Variants in MYBPH observed in about 807,000 individuals in gnomAD.
MYBPH encodes myosin-binding protein H.
Under a neutral mutation model 53.6 loss-of-function variants are expected in MYBPH, and 49 were observed. That is an observed-to-expected ratio of 0.91 (90% CI 0.73 to 1.16). The LOEUF is 1.16. Among genes scored for constraint, MYBPH ranks in the 50% most tolerant of loss-of-function variants. MYBPH has a pLI of 0.00. For missense variants in MYBPH, 558 were observed against 624.1 expected (o/e 0.89, Z 1.13); for synonymous variants, 239 against 249.6 (o/e 0.96, Z 0.40).
At position 203,174,540 on chromosome 1, in the gene MYBPH, C is replaced by T. The variant is rs149031794; in HGVS notation, c.398G>A (p.Arg133Gln). 1.0e-4 allele frequency: 169 copies of T among 1,612,728 alleles called. No individual in the cohort carries two copies. In the African/African-American group the frequency reaches 1.1e-3, roughly 11 times the overall value. The part of the protein sequence containing the change: ...RPMMVTQQTV[R>Q]NLALGDKFLL... Reference sequence around the variant, plus strand: ...GAACTTGTCTCCCAGAGCCAGGTTCCGCACAGTCTGCTGGGTCACCATCAT... The same window carrying T: ...GAACTTGTCTCCCAGAGCCAGGTTCTGCACAGTCTGCTGGGTCACCATCAT... The change falls in exon 3 of 11, where the codon CGG becomes CAG. Residue 133 changes from arginine to glutamine, a missense_variant. Arg to Gln is a conservative substitution (Grantham distance 43). Coordinates refer to ENST00000255416, the MANE Select transcript of MYBPH (RefSeq NM_004997.3).
Position 203,172,008 on chromosome 1 carries a change from G to T in MYBPH, c.541C>A (p.Arg181Ser), listed in dbSNP as rs371195427. The T allele has an allele frequency of 6.8e-6, 9 of 1,323,448 alleles. No individual in the cohort carries two copies. In the African/African-American group the frequency reaches 1.4e-4, roughly 20 times the overall value. 82.0% of individuals were successfully genotyped at this position (1,323,448 alleles called of 1,614,324 possible). A position where few individuals can be genotyped will look rare whatever the true frequency, so the allele number is the denominator to read the frequency against. ...CCCACCTGGCGGATGTAGGTCTGACGGAGGTGGCGGGGGACACGGATCTTG... is the reference window on the plus strand; with the variant it reads ...CCCACCTGGCGGATGTAGGTCTGACTGAGGTGGCGGGGGACACGGATCTTG... Reference protein sequence around the residue: ...APKIRVPRHLRQTYIRQVGET... With the variant: ...APKIRVPRHLSQTYIRQVGET... The change falls in exon 4 of 11, where the codon CGT becomes AGT. Residue 181 changes from arginine (R) to serine (S), a missense_variant. Coordinates refer to ENST00000255416, the MANE Select transcript of MYBPH (RefSeq NM_004997.3).
chr1:203,168,170 G>A (rs567843649), intron 10 of MYBPH, 79 bp from the exon 11 acceptor site: 38 of 225,474 alleles, frequency 1.7e-4, no homozygotes, highest in Middle Eastern at 1.7e-3. Flanking sequence ...AGTGGGGAGG[G>A]GGAGCAGCAT....
Position 203,175,577 on chromosome 1 carries a change from G to C in MYBPH, c.179C>G (p.Ala60Gly). 6.2e-7 allele frequency: 1 copy of C among 1,613,710 alleles called. No homozygotes were observed. Among genetic ancestry groups the C allele is most frequent in the Non-Finnish European group, 8.5e-7 (1 of 1,180,000 alleles). Residue 60 changes from alanine to glycine, a missense_variant, in exon 1 of 11, where the codon GCC becomes GGC. Ala to Gly is a moderately conservative substitution (Grantham distance 60). Coordinates refer to ENST00000255416, the MANE Select transcript of MYBPH (RefSeq NM_004997.3). Reference protein sequence around the residue: ...PAPQAPTASTATKPAPPSEDV... With the variant: ...PAPQAPTASTGTKPAPPSEDV... ...TTCACTTGGGGGTGCAGGCTTAGTG[G>C]CTGTGGAGGCTGTAGGGGCCTGTGG... is the stretch of plus-strand genomic sequence containing the variant.
Position 203,169,286 on chromosome 1 carries a change from G to A in MYBPH, c.1197C>T (p.Thr399=), listed in dbSNP as rs1457328252. 9 of 1,613,358 alleles carry A rather than the reference G, an allele frequency of 5.6e-6. No individual in the cohort carries two copies. Among genetic ancestry groups the A allele is most frequent in the East Asian group, 2.2e-5 (1 of 44,880 alleles). The stretch of plus-strand genomic sequence containing the variant: ...AAGCTCGGACACTGCAGAACAACTG[G>A]GTGCTGTAGCCAGGGGTGGAGGTGT... ...ADHTSTPGYS[T]QLFCSVRASP... The change falls in exon 8 of 11, where the codon ACC becomes ACT. Residue 399 remains threonine (T), a synonymous_variant. Coordinates refer to ENST00000255416, the MANE Select transcript of MYBPH (RefSeq NM_004997.3).
chr1:203,171,010 C>G lies in MYBPH; in HGVS notation c.933+51G>C. On this transcript the variant is annotated intron_variant, in intron 6 of 10. Coordinates refer to ENST00000255416, the MANE Select transcript of MYBPH (RefSeq NM_004997.3). This position sits in a 1 kb window ranked among gnomAD's most constrained non-coding sequence, Gnocchi z 4.2. ...GACTCAGTGGGATGGGCCTTCCCCA[C>G]CACCTTGACCACTTCGTACCCCGAC... 1 of 1,523,524 alleles carries G rather than the reference C, an allele frequency of 6.6e-7. No individual in the cohort carries two copies. Among genetic ancestry groups the G allele is most frequent in the Non-Finnish European group, 8.8e-7 (1 of 1,136,730 alleles). The allele number at this position is 1,523,524 out of a possible 1,614,324, so 94.4% of individuals were successfully genotyped here. A position where few individuals can be genotyped will look rare whatever the true frequency, so the allele number is the denominator to read the frequency against.
At chr1:203,172,094 G>A in intron 3 of MYBPH, 54 bp from the exon 4 acceptor site, 1 of 1,141,472 alleles carries the variant, frequency 8.8e-7, no homozygotes, top group Non-Finnish European at 1.1e-6. Context: ...GCTGATTGGG[G>A]TTTCTGAGAT....
Position 203,171,292 on chromosome 1 carries a change from T to C in MYBPH, c.793+91A>G. 6.4e-7 allele frequency: 1 copy of C among 1,560,500 alleles called. No individual in the cohort carries two copies. The highest frequency in any genetic ancestry group is 8.7e-7 in the Non-Finnish European group (1 of 1,151,170). On this transcript the variant is annotated intron_variant, in intron 5 of 10. Coordinates refer to ENST00000255416, the MANE Select transcript of MYBPH (RefSeq NM_004997.3). The surrounding 1 kb of genome is among the most constrained non-coding windows in gnomAD (Gnocchi z 4.2). The stretch of plus-strand genomic sequence containing the variant: ...AAAATTTGGCTCTTGCCACACTCCC[T>C]TGGCCTGCTCCCATCAGCCATCAGC...
At chr1:203,176,290 C>T (rs1253431398), upstream of MYBPH, among the ~76,000 whole-genome samples, 1 of 152,124 alleles carries the variant, frequency 6.6e-6, no homozygotes, top group Non-Finnish European at 1.5e-5. Context: ...CCTGGGCTCC[C>T]ACAGTTCCCA....
chr1:203,171,011 C>T lies in MYBPH; in HGVS notation c.933+50G>A, dbSNP rs776148617. On this transcript the variant is annotated intron_variant, in intron 6 of 10. Transcript: ENST00000255416. This position sits in a 1 kb window ranked among gnomAD's most constrained non-coding sequence, Gnocchi z 4.2. The stretch of plus-strand genomic sequence containing the variant: ...ACTCAGTGGGATGGGCCTTCCCCAC[C>T]ACCTTGACCACTTCGTACCCCGACC... The T allele has an allele frequency of 2.0e-6, 3 of 1,523,388 alleles. No homozygotes were observed. Among genetic ancestry groups the T allele is most frequent in the Non-Finnish European group, 2.6e-6 (3 of 1,136,646 alleles). The allele number at this position is 1,523,388 out of a possible 1,614,324, so 94.4% of individuals were successfully genotyped here.
Position 203,171,549 on chromosome 1 carries a change from G to C in MYBPH, c.627C>G (p.Thr209=), listed in dbSNP as rs944915840. The part of the protein sequence containing the change: ...QGKPKPQATW[T]HNGHALDSQR... ...GGCTGTCCAGGGCATGGCCGTTGTG[G>C]GTCCATGTGGCCTGAGGCTTAGGCT... The change falls in exon 5 of 11, where the codon ACC becomes ACG. Residue 209 remains threonine, a synonymous_variant. Transcript: ENST00000255416. The surrounding 1 kb of genome is among the most constrained non-coding windows in gnomAD (Gnocchi z 4.2). The C allele has an allele frequency of 1.9e-6, 3 of 1,613,186 alleles. No individual in the cohort carries two copies. The Admixed American group carries it at 5.0e-5, about 27-fold the overall frequency.
Position 203,169,389 on chromosome 1 carries a change from T to C in MYBPH, c.1094A>G (p.Asp365Gly), listed in dbSNP as rs1355479271. The C allele has an allele frequency of 6.4e-7, 1 of 1,565,468 alleles. No homozygotes were observed. Among genetic ancestry groups the C allele is most frequent in the Non-Finnish European group, 8.7e-7 (1 of 1,153,838 alleles). ...TKELAHIQKA[D>G]IAAKPKGFIE... ...AAACCCTTTAGGTTTGGCAGCAATA[T>C]CTGGGTTCAGGGGAGAAAGTCGGGT... Residue 365 changes from aspartate to glycine, a missense_variant and splice_region_variant, in exon 8 of 11, where the codon GAT becomes GGT. Physicochemically the swap from Asp to Gly is moderately conservative, Grantham distance 94. Transcript: ENST00000255416.
rs902846392 is a variant in MYBPH at position 203,171,264 on chromosome 1, C to A, written c.794-64G>T. 4.5e-6 allele frequency: 7 copies of A among 1,550,632 alleles called. No individual in the cohort carries two copies. The highest frequency in any genetic ancestry group is 1.9e-5 in the Admixed American group (1 of 53,336). ...CCAGGCTGGCCACAGAGCCCCCACA[C>A]CCAAAATTTGGCTCTTGCCACACTC... On this transcript the variant is annotated intron_variant, in intron 5 of 10. Coordinates refer to ENST00000255416, the MANE Select transcript of MYBPH (RefSeq NM_004997.3). The surrounding 1 kb of genome is among the most constrained non-coding windows in gnomAD (Gnocchi z 4.2).
rs1229461183 is a variant in MYBPH, at chr1:203,174,450, A to C, written c.488T>G (p.Ile163Ser). The change falls in exon 3 of 11, where the codon ATC (isoleucine) becomes AGC (serine). Residue 163 changes from isoleucine to serine, a missense_variant. Transcript: ENST00000255416. ...TTTACCAATGTTCTCTCGGATGTGG[A>C]TGGGCTGGTCCAGCATGGCCGGCGG... ...AGPPAMLDQP[I>S]HIRENIEAPK... The C allele has an allele frequency of 6.2e-7, 1 of 1,603,002 alleles. No individual in the cohort carries two copies. Among genetic ancestry groups the C allele is most frequent in the Admixed American group, 1.7e-5 (1 of 59,456 alleles).
At position 203,174,665 on chromosome 1, in the gene MYBPH, T is replaced by C. The variant is rs1033524437; in HGVS notation, c.341-68A>G. On this transcript the variant is annotated intron_variant, in intron 2 of 10. Coordinates refer to ENST00000255416, the MANE Select transcript of MYBPH (RefSeq NM_004997.3). The stretch of plus-strand genomic sequence containing the variant: ...CAGGCGCCCCTCTCCATGGGGCTTC[T>C]TTTCCTGCTGGTGATCTGGGGAAAT... The C allele has an allele frequency of 4.3e-6, 6 of 1,381,372 alleles. No homozygotes were observed. The Admixed American group carries it at 1.7e-4, about 40-fold the overall frequency. 85.6% of individuals were successfully genotyped at this position (1,381,372 alleles called of 1,614,324 possible).
Position 203,171,687 on chromosome 1 carries a change from C to T in MYBPH, c.598-109G>A, listed in dbSNP as rs2102190227. The T allele has an allele frequency of 2.5e-6, 3 of 1,188,712 alleles. No homozygotes were observed. In the African/African-American group the frequency reaches 4.6e-5, roughly 18 times the overall value. The allele number at this position is 1,188,712 out of a possible 1,614,324, so 73.6% of individuals were successfully genotyped here. Reference sequence around the variant, plus strand: ...TTCTCGGGGAAGCCTGTCCCACTGGCCCTTCTCAGGAGGGGCAGCAGAGGC... The same window carrying T: ...TTCTCGGGGAAGCCTGTCCCACTGGTCCTTCTCAGGAGGGGCAGCAGAGGC... On this transcript the variant is annotated intron_variant, in intron 4 of 10. Transcript: ENST00000255416. The surrounding 1 kb of genome is among the most constrained non-coding windows in gnomAD (Gnocchi z 4.2).
Position 203,169,319 on chromosome 1 carries a change from C to T in MYBPH, c.1164G>A (p.Leu388=). Residue 388 remains leucine (L), a synonymous_variant, in exon 8 of 11, where the codon CTG becomes CTA. Transcript: ENST00000255416. ...AGCCAGGGGTGGAGGTGTGGTCAGC[C>T]AGGGGCTGGGTGAATGAGGGGGCTT... is the stretch of plus-strand genomic sequence containing the variant. ...FSEAPSFTQP[L]ADHTSTPGYS... 1 of 1,612,954 alleles carries T rather than the reference C, an allele frequency of 6.2e-7. No individual in the cohort carries two copies. The highest frequency in any genetic ancestry group is 8.5e-7 in the Non-Finnish European group (1 of 1,179,500).
chr1:203,176,965 C>T (rs1314023571), upstream of MYBPH, among the ~76,000 whole-genome samples: 1 of 152,186 alleles, frequency 6.6e-6, no homozygotes, highest in Non-Finnish European at 1.5e-5. Flanking sequence ...AGCTGTCCCT[C>T]AACAGTGGGA....
rs367830128 is a variant in MYBPH at position 203,174,470 on chromosome 1, C to T, written c.468G>A (p.Pro156=). 6.7e-5 allele frequency: 108 copies of T among 1,610,266 alleles called. No individual in the cohort carries two copies. The East Asian group carries it at 1.1e-3, about 17-fold the overall frequency. ...SAVSSAGAGP[P]AMLDQPIHIR... is the part of the protein sequence containing the mutation. Reference sequence around the variant, plus strand: ...TGTGGATGGGCTGGTCCAGCATGGCCGGCGGGCCAGCCCCTGCAGAACTCA... The same window carrying T: ...TGTGGATGGGCTGGTCCAGCATGGCTGGCGGGCCAGCCCCTGCAGAACTCA... The change falls in exon 3 of 11, where the codon CCG becomes CCA. Residue 156 remains proline, a synonymous_variant. Coordinates refer to ENST00000255416, the MANE Select transcript of MYBPH (RefSeq NM_004997.3).
Position 203,171,475 on chromosome 1 carries a change from C to T in MYBPH, c.701G>A (p.Arg234His), listed in dbSNP as rs747699211. 13 of 1,613,772 alleles carry T rather than the reference C, an allele frequency of 8.1e-6. No homozygotes were observed. Among genetic ancestry groups the T allele is most frequent in the South Asian group, 5.5e-5 (5 of 91,086 alleles). Residue 234 changes from arginine (R) to histidine (H), a missense_variant, in exon 5 of 11, where the codon CGC becomes CAC. Arg to His is a conservative substitution (Grantham distance 29, BLOSUM62 0). Transcript: ENST00000255416. The surrounding 1 kb of genome is among the most constrained non-coding windows in gnomAD (Gnocchi z 4.2). ...GCCAGAGTCGGAGCGCTGGGCCGAG[C>T]GAATGAAGAGGATGGAGTCCTGGTC... ...TGDQDSILFI[R>H]SAQRSDSGRY...
Sources: gnomAD v4.1 joint callset for allele counts (sites outside exome capture counted in the v4.1 genomes callset) on GRCh38, gnomAD v4.1.1 for gene constraint, Gnocchi (gnomAD v3.1) non-coding constraint, MANE v1.5 for transcripts, NCBI Gene and HGNC (gene_info 2026-07-23, HGNC 2026-07-21) for gene names.